CEP89: variants seen among roughly 807,000 people sequenced by gnomAD.
The protein encoded by CEP89 is centrosomal protein of 89 kDa.
Under a neutral mutation model 97.6 loss-of-function variants are expected in CEP89, and 95 were observed. The observed-to-expected ratio is 0.97, with a 90% CI of 0.82 to 1.15. The LOEUF is 1.15. CEP89 is among the 50% of genes most tolerant of loss of function. The probability of loss-of-function intolerance (pLI) is 0.00; values close to 1 mark genes in which losing one functional copy is unlikely to be tolerated. For missense variants in CEP89, 869 were observed against 947.7 expected (o/e 0.92, Z 1.09); for synonymous variants, 354 against 349.1 (o/e 1.01, Z -0.16).
intron 12 of CEP89, among the ~76,000 whole-genome samples, chr19:32,921,638 T>A (rs1009858212): frequency 6.6e-6 from 1 of 152,204 alleles, no homozygotes; most frequent in African/African-American, 2.4e-5. Flanking sequence ...TATACAATGC[T>A]AGGGAAGGAA....
rs1318249226 is a variant in CEP89 at position 32,877,503 on chromosome 19, C to CT, written c.*1658dup. 1.3e-5 allele frequency: 2 copies of CT among 152,070 alleles called. No individual in the cohort carries two copies. Among genetic ancestry groups the CT allele is most frequent in the Non-Finnish European group, 2.9e-5 (2 of 68,154 alleles). 9.4% of individuals were successfully genotyped at this position (152,070 alleles called of 1,614,324 possible). A position where few individuals can be genotyped will look rare whatever the true frequency, so the allele number is the denominator to read the frequency against. On this transcript the variant is annotated 3_prime_UTR_variant, in exon 19 of 19. Transcript: ENST00000305768. ...TTTTCCTGAGGAGGTGGCACGTCATCTAACACACATGGGACAGAACCATGG... is the reference window on the plus strand; with the variant it reads ...TTTTCCTGAGGAGGTGGCACGTCATCTTAACACACATGGGACAGAACCATGG...
intron 18 of CEP89, among the ~76,000 whole-genome samples, chr19:32,879,841 T>C (rs1969243533): frequency 6.6e-6 from 1 of 152,224 alleles, no homozygotes; most frequent in Non-Finnish European, 1.5e-5. Flanking sequence ...GCTTGTCCAC[T>C]GTGACCTGGC....
intron 16 of CEP89, among the ~76,000 whole-genome samples, chr19:32,891,956 C>A (rs1331983650): frequency 6.6e-6 from 1 of 151,230 alleles, no homozygotes; most frequent in African/African-American, 2.4e-5. Flanking sequence ...AAAACCTACT[C>A]AACAAAATAA....
chr19:32,936,938 T>A lies in CEP89; in HGVS notation c.667+693A>T, dbSNP rs1241998576. ...GCCTACAGAGAGGAGCTACCCACTG[T>A]GGGTCTCCTCTGAACTGTTCTAACA... On this transcript the variant is annotated intron_variant, in intron 7 of 18. Transcript: ENST00000305768. This position sits in a 1 kb window ranked among gnomAD's most constrained non-coding sequence, Gnocchi z 4.5. 2 of 152,210 alleles carry A rather than the reference T, an allele frequency of 1.3e-5. No homozygotes were observed. Among genetic ancestry groups the A allele is most frequent in the African/African-American group, 2.4e-5 (1 of 41,394 alleles). 9.4% of individuals were successfully genotyped at this position (152,210 alleles called of 1,614,324 possible).
intron 16 of CEP89, among the ~76,000 whole-genome samples, chr19:32,897,152 G>A (rs1177511888): frequency 6.6e-6 from 1 of 152,216 alleles, no homozygotes; most frequent in African/African-American, 2.4e-5. Flanking sequence ...GTGTTCTGAA[G>A]TGCACAAGTT....
At chr19:32,899,671 C>A (rs1423720419) in intron 16 of CEP89, among the ~76,000 whole-genome samples, 186 bp downstream of exon 16, 1 of 152,136 alleles carries the variant, frequency 6.6e-6, no homozygotes, top group Non-Finnish European at 1.5e-5. Context: ...AGGAGTTCCT[C>A]AATTTATAAT....
At position 32,936,414 on chromosome 19, in the gene CEP89, G is replaced by A. The variant is rs1161257437; in HGVS notation, c.667+1217C>T. On this transcript the variant is annotated intron_variant, in intron 7 of 18. Transcript: ENST00000305768. The surrounding 1 kb of genome is among the most constrained non-coding windows in gnomAD (Gnocchi z 4.5). ...CCTGGGTGCCATGGACTGGGCAGCAGGAGGGAGACAGGTTCCTGGGCAGAA... is the reference window on the plus strand; with the variant it reads ...CCTGGGTGCCATGGACTGGGCAGCAAGAGGGAGACAGGTTCCTGGGCAGAA... Among the ~76,000 whole-genome samples, 1 of 152,180 alleles carries A rather than the reference G, an allele frequency of 6.6e-6. No individual in the cohort carries two copies. Among genetic ancestry groups the A allele is most frequent in the African/African-American group, 2.4e-5 (1 of 41,446 alleles).
chr19:32,917,556 T>C (rs1179402927), intron 13 of CEP89, among the ~76,000 whole-genome samples: 2 of 152,216 alleles, frequency 1.3e-5, no homozygotes, highest in African/African-American at 2.4e-5. Flanking sequence ...TCCCAGCCTA[T>C]GCCATTCTTC....
At position 32,936,463 on chromosome 19, in the gene CEP89, C is replaced by T. The variant is rs1226809212; in HGVS notation, c.667+1168G>A. Among the ~76,000 whole-genome samples, 1 of 152,134 alleles carries T rather than the reference C, an allele frequency of 6.6e-6. No homozygotes were observed. Among genetic ancestry groups the T allele is most frequent in the Non-Finnish European group, 1.5e-5 (1 of 68,014 alleles). ...AAGCAGGCAGGTCCCCGGTGAGGCCCCGCCTTCAGGTCGGAGAGGGCCTGA... is the reference window on the plus strand; with the variant it reads ...AAGCAGGCAGGTCCCCGGTGAGGCCTCGCCTTCAGGTCGGAGAGGGCCTGA... On this transcript the variant is annotated intron_variant, in intron 7 of 18. Transcript: ENST00000305768. The surrounding 1 kb of genome is among the most constrained non-coding windows in gnomAD (Gnocchi z 4.5).
chr19:32,891,094 G>C (rs1969506032), intron 16 of CEP89, among the ~76,000 whole-genome samples: 1 of 152,188 alleles, frequency 6.6e-6, no homozygotes, highest in South Asian at 2.1e-4. Flanking sequence ...CTGCCCATGA[G>C]AGCAAGGGAG....
At chr19:32,969,719 C>T (rs2145981920) in intron 1 of CEP89, 1 of 152,526 alleles carries the variant, frequency 6.6e-6, no homozygotes, top group African/African-American at 2.4e-5. Context: ...GCAGGGCTCC[C>T]ACTTGTCCCT....
chr19:32,927,764 C>G (rs1398495459), intron 9 of CEP89, among the ~76,000 whole-genome samples: 3 of 152,004 alleles, frequency 2.0e-5, no homozygotes, highest in Non-Finnish European at 4.4e-5. Context: ...GCCACCACAC[C>G]TGGCTAATTT....
intron 5 of CEP89, among the ~76,000 whole-genome samples, chr19:32,946,635 C>A (rs974849224): frequency 6.6e-6 from 1 of 152,110 alleles, no homozygotes; most frequent in African/African-American, 2.4e-5. Flanking sequence ...GTCGGAGGGA[C>A]CCAGTGGGAG....
At chr19:32,898,408 G>A (rs1043389596) in intron 16 of CEP89, among the ~76,000 whole-genome samples, 99 of 152,136 alleles carry the variant, frequency 6.5e-4, no homozygotes, top group African/African-American at 2.2e-3. Flanking sequence ...TTTGTGGGGG[G>A]CTGGGGGGCA....
In CEP89 at chr19:32,959,911, C is replaced by T. The variant is rs1357335332; in HGVS notation, c.294G>A (p.Gln98=). Residue 98 remains glutamine, a synonymous_variant, in exon 3 of 19, where the codon CAG becomes CAA. Transcript: ENST00000305768. ...SFIEPYATTS[Q]LRPRPNWQSE... ...GATCTGGTACCTACCGAGGCCTCAG[C>T]TGTGAGGTGGTGGCATAGGGCTCGA... 2 of 1,614,202 alleles carry T rather than the reference C, an allele frequency of 1.2e-6. No homozygotes were observed. The highest frequency in any genetic ancestry group is 1.1e-5 in the South Asian group (1 of 91,088).
chr19:32,909,423 A>T (rs1969954396), intron 14 of CEP89, among the ~76,000 whole-genome samples: 1 of 152,186 alleles, frequency 6.6e-6, no homozygotes, highest in South Asian at 2.1e-4. Flanking sequence ...CACAGTACAC[A>T]CCAAGTACCA....
At chr19:32,957,734 G>C (rs1222802950) in intron 3 of CEP89, among the ~76,000 whole-genome samples, 1 of 152,030 alleles carries the variant, frequency 6.6e-6, no homozygotes, top group Non-Finnish European at 1.5e-5. Context: ...TGCTAGAACT[G>C]AAGAGGCAAA....
chr19:32,931,752 G>GT (rs1025015906), intron 8 of CEP89, among the ~76,000 whole-genome samples, 181 bp from the exon 9 acceptor site: 1 of 152,066 alleles, frequency 6.6e-6, no homozygotes, highest in Non-Finnish European at 1.5e-5. Flanking sequence ...AAGTTACAAC[G>GT]TTTTTTAACA....
intron 4 of CEP89, among the ~76,000 whole-genome samples, chr19:32,952,713 A>T (rs1434241412): frequency 1.3e-5 from 2 of 151,682 alleles, no homozygotes; most frequent in Admixed American, 1.3e-4. Context: ...AGACCAGCCT[A>T]GGCAACATGG....
Sources: gnomAD v4.1 joint callset for allele counts (sites outside exome capture counted in the v4.1 genomes callset) on GRCh38, gnomAD v4.1.1 for gene constraint, Gnocchi (gnomAD v3.1) non-coding constraint, MANE v1.5 for transcripts, NCBI Gene and HGNC (gene_info 2026-07-23, HGNC 2026-07-21) for gene names.